The following TP63 variants were observed in gnomAD, a reference collection of about 807,000 sequenced individuals.
TP63 encodes tumor protein 63.
In TP63, 17 loss-of-function variants were observed where a neutral mutation model predicts 82.8. The ratio of observed to expected loss-of-function variants is 0.21; its 90% CI spans 0.14 to 0.31. TP63 has a LOEUF of 0.31. TP63 is among the 10% of genes least tolerant of loss of function. The probability of loss-of-function intolerance (pLI) is 1.00; values close to 1 mark genes in which losing one functional copy is unlikely to be tolerated. For synonymous variants in TP63, 330 were observed against 321.7 expected (o/e 1.03, Z -0.28); for missense variants, 648 against 895.3 (o/e 0.72, Z 3.52).
chr3:189,736,197 A>G (rs1009149466), intron 1 of TP63, among the ~76,000 whole-genome samples: 4 of 150,344 alleles, frequency 2.7e-5, no homozygotes, highest in African/African-American at 9.7e-5. Flanking sequence ...ATGTAAATAT[A>G]CACACACACT....
chr3:189,867,153 T>TGG (rs1346544973), intron 6 of TP63, among the ~76,000 whole-genome samples: 1 of 152,100 alleles, frequency 6.6e-6, no homozygotes, highest in Non-Finnish European at 1.5e-5. Flanking sequence ...TTACCATAAG[T>TGG]GGGAAAGCCT....
intron 4 of TP63, among the ~76,000 whole-genome samples, chr3:189,842,650 T>C (rs1338107490): frequency 2.0e-5 from 3 of 152,188 alleles, no homozygotes; most frequent in Non-Finnish European, 4.4e-5. Flanking sequence ...TAATCAGCAC[T>C]GAGAAGAGGG....
At chr3:189,697,659 C>A (rs1033081525) in intron 1 of TP63, among the ~76,000 whole-genome samples, 1 of 151,996 alleles carries the variant, frequency 6.6e-6, no homozygotes, top group African/African-American at 2.4e-5. Context: ...AACATCTAGA[C>A]AGTATTGAGT....
chr3:189,621,266 A>G, the TP63 span, among the ~76,000 whole-genome samples: 7 of 152,138 alleles, frequency 4.6e-5, no homozygotes, highest in Admixed American at 2.0e-4. Context: ...GATATGGAAA[A>G]TCTACATTTT....
intron 4 of TP63, among the ~76,000 whole-genome samples, chr3:189,827,395 G>T: frequency 6.6e-6 from 1 of 152,040 alleles, no homozygotes; most frequent in East Asian, 1.9e-4. Flanking sequence ...CAGGAGTTCA[G>T]AGGCAGTAGC....
chr3:189,778,883 A>C (rs961966679), intron 3 of TP63, among the ~76,000 whole-genome samples: 3 of 152,260 alleles, frequency 2.0e-5, no homozygotes, highest in African/African-American at 7.2e-5. Flanking sequence ...GTAAATGATT[A>C]AGATCGGTAT....
At chr3:189,680,230 G>A (rs1215141249) in intron 1 of TP63, among the ~76,000 whole-genome samples, 1 of 151,562 alleles carries the variant, frequency 6.6e-6, no homozygotes, top group Admixed American at 6.6e-5. Flanking sequence ...CATGAACATG[G>A]GATATATTTT....
chr3:189,776,036 G>A (rs954670920), intron 3 of TP63, among the ~76,000 whole-genome samples: 66 of 152,312 alleles, frequency 4.3e-4, no homozygotes, highest in African/African-American at 1.5e-3. Context: ...CAGAAGGACT[G>A]CTTAGCCCAG....
chr3:189,868,033 A>G (rs910100395), intron 7 of TP63, 91 bp downstream of exon 7: 5 of 1,044,422 alleles, frequency 4.8e-6, no homozygotes, highest in Non-Finnish European at 7.3e-6. Flanking sequence ...TTAATTTTGC[A>G]TGTGCAGCGG....
the TP63 span, among the ~76,000 whole-genome samples, chr3:189,600,411 T>A: frequency 5.9e-5 from 9 of 152,208 alleles, no homozygotes; most frequent in Non-Finnish European, 1.2e-4. Flanking sequence ...CAATTCTAAG[T>A]GCTTTACATG....
chr3:189,690,495 A>G (rs1431608789), intron 1 of TP63, among the ~76,000 whole-genome samples: 2 of 152,176 alleles, frequency 1.3e-5, no homozygotes, highest in Non-Finnish European at 2.9e-5. Flanking sequence ...TCCAGCTGTC[A>G]CTGAGGTCTC....
chr3:189,876,048 G>A (rs1202902521), intron 10 of TP63, among the ~76,000 whole-genome samples: 1 of 152,036 alleles, frequency 6.6e-6, no homozygotes, highest in Non-Finnish European at 1.5e-5. Context: ...CCTTCCCATG[G>A]TCTACAATTT....
intron 3 of TP63, among the ~76,000 whole-genome samples, chr3:189,782,995 A>T (rs564741973): frequency 6.6e-6 from 1 of 152,164 alleles, no homozygotes; most frequent in East Asian, 1.9e-4. Flanking sequence ...CAGGCTTTAA[A>T]ATATTTTTGT....
chr3:189,669,990 CA>C (rs915169279), intron 1 of TP63, among the ~76,000 whole-genome samples: 1 of 151,406 alleles, frequency 6.6e-6, no homozygotes, highest in East Asian at 1.9e-4. Context: ...ATTGAATTAA[CA>C]AAAAAGGGGC....
At position 189,738,768 on chromosome 3, in the gene TP63, C is replaced by A; in HGVS notation, c.318C>A (p.Pro106=). 1 of 1,614,032 alleles carries A rather than the reference C, an allele frequency of 6.2e-7. No homozygotes were observed. The highest frequency in any genetic ancestry group is 8.5e-7 in the Non-Finnish European group (1 of 1,179,984). Residue 106 remains proline (P), a synonymous_variant, in exon 3 of 14, where the codon CCC becomes CCA. Coordinates refer to ENST00000264731, the MANE Select transcript of TP63 (RefSeq NM_003722.5). ...IRMQDSDLSD[P]MWPQYTNLGL... ...TGCAGGACTCGGACCTGAGTGACCC[C>A]ATGTGGGTGAGTGGCACAGGCTTTC...
At chr3:189,892,213 C>T (rs371401990) in intron 13 of TP63, among the ~76,000 whole-genome samples, 7 of 152,174 alleles carry the variant, frequency 4.6e-5, no homozygotes, top group East Asian at 3.9e-4. Flanking sequence ...TCTTCCTCTT[C>T]CCTATATTTT....
intron 3 of TP63, among the ~76,000 whole-genome samples, chr3:189,756,273 A>C (rs867368896): frequency 1.3e-5 from 2 of 152,194 alleles, no homozygotes; most frequent in African/African-American, 2.4e-5. Context: ...TATTTCACAT[A>C]GCAAAAATCC....
chr3:189,874,427 T>A (rs1281490758), intron 10 of TP63, among the ~76,000 whole-genome samples: 6 of 152,182 alleles, frequency 3.9e-5, no homozygotes, highest in Non-Finnish European at 8.8e-5. Context: ...AAACACTTTC[T>A]GAGCACCTGT....
intron 4 of TP63, among the ~76,000 whole-genome samples, chr3:189,842,420 T>C (rs1469696472): frequency 6.6e-6 from 1 of 152,172 alleles, no homozygotes; most frequent in African/African-American, 2.4e-5. Context: ...TGGTGTGATA[T>C]TTTCTCTGGG....
Sources: allele counts gnomAD v4.1 joint callset (sites outside exome capture counted in the v4.1 genomes callset), GRCh38; gene constraint gnomAD v4.1.1; transcripts MANE v1.5; gene names NCBI Gene and HGNC (gene_info 2026-07-23, HGNC 2026-07-21).